IGF2BP1: variants seen among roughly 807,000 people sequenced by gnomAD.
IGF2BP1 encodes insulin-like growth factor 2 mRNA-binding protein 1.
Under a neutral mutation model 74.9 loss-of-function variants are expected in IGF2BP1, and 11 were observed. The observed-to-expected ratio is 0.15, with a 90% CI of 0.09 to 0.24. The LOEUF is 0.24. Among genes scored for constraint, IGF2BP1 ranks in the 10% least tolerant of loss-of-function variants. IGF2BP1 has a pLI of 1.00. For synonymous variants in IGF2BP1, 287 were observed against 281.8 expected (o/e 1.02, Z -0.18); for missense variants, 440 against 757.4 (o/e 0.58, Z 4.92).
chr17:49,025,978 C>G (rs980614019), intron 3 of IGF2BP1, among the ~76,000 whole-genome samples: 2 of 151,646 alleles, frequency 1.3e-5, no homozygotes, highest in African/African-American at 4.9e-5. Flanking sequence ...GCCTCAGCCT[C>G]CCAAGTAGCT....
intron 2 of IGF2BP1, among the ~76,000 whole-genome samples, chr17:49,002,018 C>CTGT (rs2041492941): frequency 6.6e-6 from 1 of 151,910 alleles, no homozygotes; most frequent in African/African-American, 2.4e-5. Context: ...AAAGGTGTTA[C>CTGT]TGTTAATTAA....
chr17:49,040,524 A>G (rs2144124008), intron 7 of IGF2BP1, among the ~76,000 whole-genome samples: 1 of 152,252 alleles, frequency 6.6e-6, no homozygotes, highest in South Asian at 2.1e-4. Flanking sequence ...ATCCCTTCTT[A>G]TTCCTGTCGT....
At chr17:49,023,097 C>T (rs996456331) in intron 2 of IGF2BP1, among the ~76,000 whole-genome samples, 1 of 152,242 alleles carries the variant, frequency 6.6e-6, no homozygotes, top group Admixed American at 6.5e-5. Flanking sequence ...CATTTTCAGT[C>T]TGTCTAGTTG....
At chr17:49,016,323 C>T (rs574581275) in intron 2 of IGF2BP1, among the ~76,000 whole-genome samples, 1 of 152,350 alleles carries the variant, frequency 6.6e-6, no homozygotes, top group South Asian at 2.1e-4. Context: ...AGGCTTACCC[C>T]TTTCCTTTCT....
At chr17:49,015,008 C>T (rs940488041) in intron 2 of IGF2BP1, 6 of 900,590 alleles carry the variant, frequency 6.7e-6, no homozygotes, top group African/African-American at 5.4e-5. Context: ...TCGGCCGGGC[C>T]TCTGAAACCC....
intron 2 of IGF2BP1, chr17:49,014,948 G>C (rs11079851): frequency 0.55 from 542,106 of 983,186 alleles, 152,058 homozygotes; most frequent in African/African-American, 0.77. Context: ...GACTCTGTCT[G>C]TTTTCAAGGT....
chr17:49,048,313 C>T (rs145950358), intron 14 of IGF2BP1, among the ~76,000 whole-genome samples: 134 of 150,064 alleles, frequency 8.9e-4, no homozygotes, highest in African/African-American at 3.0e-3. Flanking sequence ...AGTGCAGTGG[C>T]ACAATCTTAG....
At chr17:49,048,218 T>C (rs1362141031) in intron 14 of IGF2BP1, among the ~76,000 whole-genome samples, 1 of 152,178 alleles carries the variant, frequency 6.6e-6, no homozygotes, top group African/African-American at 2.4e-5. Context: ...TTTATGCTTT[T>C]TGACTAACCC....
intron 4 of IGF2BP1, among the ~76,000 whole-genome samples, chr17:49,026,959 T>C (rs2041865994): frequency 6.6e-6 from 1 of 152,188 alleles, no homozygotes; most frequent in Non-Finnish European, 1.5e-5. Flanking sequence ...GCCAGGATGG[T>C]CTTGATCTCC....
At chr17:49,029,095 G>A (rs1322359623) in intron 4 of IGF2BP1, among the ~76,000 whole-genome samples, 1 of 152,150 alleles carries the variant, frequency 6.6e-6, no homozygotes, top group African/African-American at 2.4e-5. Flanking sequence ...GTAAGCCACC[G>A]CACCTGGCCT....
chr17:49,019,925 T>C (rs1361953289), intron 2 of IGF2BP1, among the ~76,000 whole-genome samples: 5 of 60,596 alleles, frequency 8.3e-5, no homozygotes, highest in African/African-American at 4.4e-4. Flanking sequence ...TATATATATA[T>C]ATATATATAT....
At chr17:49,027,453 T>G (rs1298335643) in intron 4 of IGF2BP1, among the ~76,000 whole-genome samples, 1 of 152,142 alleles carries the variant, frequency 6.6e-6, no homozygotes, top group Non-Finnish European at 1.5e-5. Context: ...TCAATTAAAA[T>G]AAAAAGCAGA....
At chr17:49,005,782 A>G in intron 2 of IGF2BP1, among the ~76,000 whole-genome samples, 1 of 151,564 alleles carries the variant, frequency 6.6e-6, no homozygotes, top group Admixed American at 6.6e-5. Flanking sequence ...CTCATTCAGG[A>G]CAGGCACGGT....
intron 14 of IGF2BP1, among the ~76,000 whole-genome samples, chr17:49,048,109 T>C (rs1181919817): frequency 1.3e-5 from 2 of 152,226 alleles, no homozygotes; most frequent in Admixed American, 6.5e-5. Flanking sequence ...TTTTGCAGTT[T>C]ATTTCCTTTA....
intron 2 of IGF2BP1, chr17:49,014,723 T>C (rs1047641195): frequency 2.6e-5 from 25 of 973,736 alleles, no homozygotes; most frequent in African/African-American, 1.6e-4. Context: ...CCGCCACTTA[T>C]GGACACGCAG....
At chr17:49,026,891 G>A (rs1170163673) in intron 4 of IGF2BP1, among the ~76,000 whole-genome samples, 1 of 152,038 alleles carries the variant, frequency 6.6e-6, no homozygotes, top group African/African-American at 2.4e-5. Context: ...TTATAGGCAC[G>A]TGCCACCATA....
intron 3 of IGF2BP1, 113 bp downstream of exon 3, chr17:49,025,779 A>T: frequency 2.5e-6 from 2 of 809,012 alleles, no homozygotes; most frequent in Non-Finnish European, 2.1e-6. Context: ...CAGGCTAGGG[A>T]GGCCTGGGTC....
Position 48,997,593 on chromosome 17 carries a change from C to T in IGF2BP1, c.-153C>T, listed in dbSNP as rs1189685695. The T allele has an allele frequency of 3.8e-6, 3 of 799,168 alleles. No homozygotes were observed. Among genetic ancestry groups the T allele is most frequent in the Non-Finnish European group, 5.8e-6 (3 of 517,396 alleles). 49.5% of individuals were successfully genotyped at this position (799,168 alleles called of 1,614,324 possible). A position where few individuals can be genotyped will look rare whatever the true frequency, so the allele number is the denominator to read the frequency against. Reference sequence around the variant, plus strand: ...CTGCGCGCCCTCAGGCCGCCTTCCCCGCCCTGGGCTCGGGACAACTTCTGG... The same window carrying T: ...CTGCGCGCCCTCAGGCCGCCTTCCCTGCCCTGGGCTCGGGACAACTTCTGG... On this transcript the variant is annotated 5_prime_UTR_variant, in exon 1 of 15. Transcript: ENST00000290341. The surrounding 1 kb of genome is among the most constrained non-coding windows in gnomAD (Gnocchi z 4.8).
chr17:49,016,738 C>G (rs2144000579), intron 2 of IGF2BP1, among the ~76,000 whole-genome samples: 1 of 152,040 alleles, frequency 6.6e-6, no homozygotes, highest in East Asian at 1.9e-4. Flanking sequence ...CCCAGTAGGT[C>G]AATGTTTTCT....
Sources: allele counts gnomAD v4.1 joint callset (sites outside exome capture counted in the v4.1 genomes callset), GRCh38; gene constraint gnomAD v4.1.1; non-coding constraint Gnocchi (gnomAD v3.1); transcripts MANE v1.5; gene names NCBI Gene and HGNC (gene_info 2026-07-23, HGNC 2026-07-21).